The following DRC11 variants were observed in gnomAD, a reference collection of about 807,000 sequenced individuals.
DRC11 encodes the protein dynein regulatory complex subunit 11.
chr2:236,460,353 G>A, the DRC11 span, among the ~76,000 whole-genome samples: 1 of 152,164 alleles, frequency 6.6e-6, no homozygotes, highest in Non-Finnish European at 1.5e-5. This position sits in a 1 kb window ranked among gnomAD's most constrained non-coding sequence, Gnocchi z 4.0. Context: ...ACAACGGAGA[G>A]CGTGCTCCCA....
chr2:236,346,408 A>C, the DRC11 span, among the ~76,000 whole-genome samples: 1 of 152,224 alleles, frequency 6.6e-6, no homozygotes, highest in South Asian at 2.1e-4. Flanking sequence ...GCAGACAAGG[A>C]AACTGAGGCT....
At chr2:236,409,161 C>T in the DRC11 span, 958 of 327,692 alleles carry the variant, frequency 2.9e-3, 10 homozygotes, top group African/African-American at 0.019. Context: ...GGCTAGAGTG[C>T]AGTGGTGCAA....
At chr2:236,356,965 TATA>T in the DRC11 span, among the ~76,000 whole-genome samples, 16 of 110,904 alleles carry the variant, frequency 1.4e-4, no homozygotes, top group African/African-American at 6.0e-4. Context: ...CATAAATATA[TATA>T]TTATATATTC....
the DRC11 span, among the ~76,000 whole-genome samples, chr2:236,464,832 C>A: frequency 5.5e-3 from 842 of 152,134 alleles, 9 homozygotes; most frequent in African/African-American, 0.019. Context: ...CCACCCCCTG[C>A]CGCCAACCCC....
At chr2:236,398,568 A>G in the DRC11 span, among the ~76,000 whole-genome samples, 1 of 152,190 alleles carries the variant, frequency 6.6e-6, no homozygotes, top group Non-Finnish European at 1.5e-5. The surrounding 1 kb of genome is among the most constrained non-coding windows in gnomAD (Gnocchi z 6.2). Context: ...CACTAGCACT[A>G]ATGACTGAGG....
the DRC11 span, among the ~76,000 whole-genome samples, chr2:236,449,130 G>C: frequency 1.3e-5 from 2 of 151,628 alleles, no homozygotes; most frequent in Admixed American, 6.5e-5. This position sits in a 1 kb window ranked among gnomAD's most constrained non-coding sequence, Gnocchi z 5.1. Flanking sequence ...AAAGTGCTGA[G>C]ATTACAGGCA....
chr2:236,416,655 C>T, the DRC11 span, among the ~76,000 whole-genome samples: 4 of 146,790 alleles, frequency 2.7e-5, no homozygotes, highest in East Asian at 6.1e-4. Context: ...GTCGGCCAGC[C>T]GCAGTCATGC....
the DRC11 span, among the ~76,000 whole-genome samples, chr2:236,464,442 A>G: frequency 6.6e-6 from 1 of 152,216 alleles, no homozygotes; most frequent in African/African-American, 2.4e-5. Context: ...CCTTCTTGAA[A>G]TAAAATTGAT....
At chr2:236,399,631 G>A in the DRC11 span, 2 of 685,532 alleles carry the variant, frequency 2.9e-6, no homozygotes, top group Non-Finnish European at 5.2e-6. The surrounding 1 kb of genome is among the most constrained non-coding windows in gnomAD (Gnocchi z 7.0). Flanking sequence ...GCCCGTCTAA[G>A]TATGGAGTGC....
At chr2:236,321,852 G>A in the DRC11 span, among the ~76,000 whole-genome samples, 3 of 152,104 alleles carry the variant, frequency 2.0e-5, no homozygotes, top group Non-Finnish European at 4.4e-5. Flanking sequence ...ACAGAGGGTG[G>A]GGGGGAAGTC....
At chr2:236,393,107 G>C in the DRC11 span, among the ~76,000 whole-genome samples, 1 of 152,184 alleles carries the variant, frequency 6.6e-6, no homozygotes, top group African/African-American at 2.4e-5. This position sits in a 1 kb window ranked among gnomAD's most constrained non-coding sequence, Gnocchi z 4.7. Context: ...GGTCTCCCAT[G>C]GGAAGCCAAG....
At chr2:236,468,460 C>T in the DRC11 span, among the ~76,000 whole-genome samples, 4 of 151,778 alleles carry the variant, frequency 2.6e-5, no homozygotes, top group African/African-American at 9.7e-5. Flanking sequence ...AATATAAAAG[C>T]GAATATGGAA....
chr2:236,369,295 C>T, the DRC11 span, among the ~76,000 whole-genome samples: 2 of 152,178 alleles, frequency 1.3e-5, no homozygotes, highest in African/African-American at 4.8e-5. This position sits in a 1 kb window ranked among gnomAD's most constrained non-coding sequence, Gnocchi z 4.5. Flanking sequence ...AGACAGTGAC[C>T]GCTGTTTTGT....
the DRC11 span, chr2:236,344,471 C>T: frequency 2.3e-6 from 2 of 863,448 alleles, no homozygotes; most frequent in Non-Finnish European, 3.7e-6. Flanking sequence ...AAAGGCAAGA[C>T]CTTCTCAAAA....
the DRC11 span, among the ~76,000 whole-genome samples, chr2:236,394,986 T>G: frequency 6.6e-6 from 1 of 152,336 alleles, no homozygotes; most frequent in South Asian, 2.1e-4. This position sits in a 1 kb window ranked among gnomAD's most constrained non-coding sequence, Gnocchi z 7.0. Flanking sequence ...CAAATTTCTT[T>G]CAGAATGGCT....
the DRC11 span, chr2:236,408,617 G>A: frequency 2.8e-5 from 20 of 725,524 alleles, no homozygotes; most frequent in African/African-American, 2.6e-4. The surrounding 1 kb of genome is among the most constrained non-coding windows in gnomAD (Gnocchi z 5.5). Context: ...GCTTCTTCAT[G>A]CTGCTGAAGT....
the DRC11 span, chr2:236,503,599 C>G: frequency 1.3e-6 from 2 of 1,542,196 alleles, no homozygotes; most frequent in Non-Finnish European, 1.8e-6. This position sits in a 1 kb window ranked among gnomAD's most constrained non-coding sequence, Gnocchi z 4.9. Context: ...AAATGAGCAG[C>G]TTTGAAAGCA....
the DRC11 span, among the ~76,000 whole-genome samples, chr2:236,464,973 T>C: frequency 6.6e-6 from 1 of 152,300 alleles, no homozygotes; most frequent in South Asian, 2.1e-4. Context: ...CTGTAAAGCT[T>C]GTAGAGCCTT....
chr2:236,426,097 G>A, the DRC11 span, among the ~76,000 whole-genome samples: 1 of 151,938 alleles, frequency 6.6e-6, no homozygotes, highest in Non-Finnish European at 1.5e-5. This position sits in a 1 kb window ranked among gnomAD's most constrained non-coding sequence, Gnocchi z 4.1. Context: ...TTTAGCTCAA[G>A]ATTTCATTGG....
Sources: gnomAD v4.1 joint callset for allele counts (sites outside exome capture counted in the v4.1 genomes callset) on GRCh38, gnomAD v4.1.1 for gene constraint, Gnocchi (gnomAD v3.1) non-coding constraint, MANE v1.5 for transcripts, NCBI Gene and HGNC (gene_info 2026-07-23, HGNC 2026-07-21) for gene names.